LCTL: variants seen among roughly 807,000 people sequenced by gnomAD.
The protein encoded by LCTL is lactase like, also known as lactase-like protein.
Under a neutral mutation model 75.8 loss-of-function variants are expected in LCTL, and 76 were observed. The ratio of observed to expected loss-of-function variants is 1.00; its 90% CI spans 0.83 to 1.21. The LOEUF is 1.21. LCTL is among the 50% of genes most tolerant of loss of function. The probability of loss-of-function intolerance (pLI) is 0.00; values close to 1 mark genes in which losing one functional copy is unlikely to be tolerated. For synonymous variants in LCTL, 271 were observed against 268.8 expected, an observed-to-expected ratio of 1.01 and a Z score of -0.08; for missense variants, 670 against 712.4, an observed-to-expected ratio of 0.94 and a Z score of 0.68.
At chr15:66,547,651 T>C (rs1414227245) in exon 13 of LCTL, 1 of 152,214 alleles carries the variant, frequency 6.6e-6, no homozygotes, top group Non-Finnish European at 1.5e-5. Context: ...AAGTTGAATT[T>C]AGTCAGAGTT....
chr15:66,548,310 T>A (rs1341978710), exon 13 of LCTL: 4 of 408,254 alleles, frequency 9.8e-6, no homozygotes, highest in African/African-American at 2.0e-5. Context: ...TTTTTTTTTT[T>A]AATTTCTGCT....
chr15:66,555,778 A>G (rs1349396205), intron 8 of LCTL, among the ~76,000 whole-genome samples: 4 of 152,242 alleles, frequency 2.6e-5, no homozygotes, highest in South Asian at 2.1e-4. Context: ...TGCATATCAT[A>G]TATGTGATAA....
At chr15:66,561,962 C>T (rs1181901381) in intron 4 of LCTL, among the ~76,000 whole-genome samples, 1 of 152,142 alleles carries the variant, frequency 6.6e-6, no homozygotes, top group Non-Finnish European at 1.5e-5. Context: ...CCTCTCCTAC[C>T]TGCTCCCCAA....
rs1333300853 is a variant in LCTL at position 66,552,972 on chromosome 15, T to C, written c.1197+12A>G. The C allele has an allele frequency of 1.4e-6, 2 of 1,435,692 alleles. No homozygotes were observed. The highest frequency in any genetic ancestry group is 1.8e-6 in the Non-Finnish European group (2 of 1,091,468). The allele number at this position is 1,435,692 out of a possible 1,614,324, so 88.9% of individuals were successfully genotyped here. A position where few individuals can be genotyped will look rare whatever the true frequency, so the allele number is the denominator to read the frequency against. On this transcript the variant is annotated intron_variant, in intron 9 of 12. Transcript: ENST00000341509. ...TCTAAATGTCCTTTGAATAGCTGAA[T>C]GTGATAATCACCTGAGCAAAGTTAA... is the stretch of plus-strand genomic sequence containing the variant.
At chr15:66,548,257 C>G (rs1189110745) in exon 13 of LCTL, 2 of 330,428 alleles carry the variant, frequency 6.1e-6, no homozygotes, top group African/African-American at 4.2e-5. Flanking sequence ...TTATATACAG[C>G]AAAATCTTAA....
chr15:66,564,533 G>C, intron 2 of LCTL, 143 bp downstream of exon 3: 1 of 953,248 alleles, frequency 1.0e-6, no homozygotes, highest in South Asian at 1.7e-5. Context: ...TGGCTGCACT[G>C]GGGTAGAGGG....
chr15:66,552,436 C>T (rs529407201), intron 9 of LCTL, among the ~76,000 whole-genome samples: 33 of 151,842 alleles, frequency 2.2e-4, no homozygotes, highest in Non-Finnish European at 4.0e-4. Flanking sequence ...TTTGGGAGGC[C>T]AAGGTGGGCA....
At position 66,551,594 on chromosome 15, in the gene LCTL, C is replaced by A. The variant is rs371715206; in HGVS notation, c.1524+68G>T. On this transcript the variant is annotated intron_variant, in intron 11 of 12. Transcript: ENST00000341509. ...AAAGAGAAGAGAAACTTGCCAAGTT[C>A]TTTGTGTGTTCCAGCTATCTAGCTC... is the stretch of plus-strand genomic sequence containing the variant. 6.1e-6 allele frequency: 8 copies of A among 1,308,044 alleles called. No individual in the cohort carries two copies. The African/African-American group carries it at 7.4e-5, about 12-fold the overall frequency. 81.0% of individuals were successfully genotyped at this position (1,308,044 alleles called of 1,614,324 possible). A position where few individuals can be genotyped will look rare whatever the true frequency, so the allele number is the denominator to read the frequency against.
chr15:66,561,132 C>G, intron 5 of LCTL, 31 bp from the exon 7 acceptor site: 1 of 1,614,134 alleles, frequency 6.2e-7, no homozygotes, highest in Non-Finnish European at 8.5e-7. Context: ...ACCACAGGAT[C>G]CATAAGAAGT....
Position 66,564,062 on chromosome 15 carries a change from C to T in LCTL, c.283-64G>A, listed in dbSNP as rs1895960996. 1.0e-5 allele frequency: 11 copies of T among 1,078,680 alleles called. 1 individual carries two copies. Among genetic ancestry groups the T allele is most frequent in the Admixed American group, 8.5e-5 (5 of 58,850 alleles). The allele number at this position is 1,078,680 out of a possible 1,614,324, so 66.8% of individuals were successfully genotyped here. ...CTGGGTATGGGAGGTAGGGGTCCAT[C>T]GGGCTCTAGGGCCGAGGCTCACTCT... On this transcript the variant is annotated intron_variant, in intron 2 of 12. Coordinates refer to ENST00000341509, the Ensembl canonical transcript of LCTL.
At chr15:66,554,172 T>A (rs1445116427) in intron 8 of LCTL, among the ~76,000 whole-genome samples, 1 of 151,156 alleles carries the variant, frequency 6.6e-6, no homozygotes, top group Non-Finnish European at 1.5e-5. Context: ...GTGCCTGTAA[T>A]CCCAGCTACT....
exon 1 of LCTL, chr15:66,565,297 C>T: frequency 6.2e-7 from 1 of 1,613,834 alleles, no homozygotes; most frequent in Non-Finnish European, 8.5e-7. Flanking sequence ...GGGACCCCTT[C>T]CGGGCGGCCC....
chr15:66,557,999 C>A, exon 7 of LCTL: 1 of 1,608,414 alleles, frequency 6.2e-7, no homozygotes, highest in South Asian at 1.1e-5. Context: ...CTTGCTGCGC[C>A]ACGTGGTGTT....
At chr15:66,554,987 AC>A (rs1411461050) in intron 8 of LCTL, among the ~76,000 whole-genome samples, 2 of 152,228 alleles carry the variant, frequency 1.3e-5, no homozygotes, top group African/African-American at 4.8e-5. Flanking sequence ...TGTAATCTAT[AC>A]AAAAAAGACT....
intron 8 of LCTL, among the ~76,000 whole-genome samples, chr15:66,554,918 G>C (rs983413204): frequency 6.6e-6 from 1 of 152,196 alleles, no homozygotes; most frequent in Non-Finnish European, 1.5e-5. Context: ...GGGAGAGAGA[G>C]AGGCCTGACT....
intron 4 of LCTL, among the ~76,000 whole-genome samples, chr15:66,561,667 T>C (rs1895893482): frequency 6.6e-6 from 1 of 152,194 alleles, no homozygotes; most frequent in Non-Finnish European, 1.5e-5. Flanking sequence ...CAAAGACATC[T>C]GCCCATGACG....
chr15:66,558,075 C>T, intron 6 of LCTL, 39 bp from the exon 8 acceptor site: 1 of 1,543,662 alleles, frequency 6.5e-7, no homozygotes, highest in Non-Finnish European at 8.8e-7. Context: ...GTACCTGGCC[C>T]ATCCATTTCC....
At chr15:66,557,866 A>G (rs16953566) in exon 8 of LCTL, 41,329 of 1,613,978 alleles carry the variant, frequency 0.026, 1,122 homozygotes, top group Admixed American at 0.1. Flanking sequence ...TCACAGTTCA[A>G]TGAAATTCCC....
At chr15:66,552,919 G>A in intron 9 of LCTL, 65 bp downstream of exon 10, 3 of 1,357,752 alleles carry the variant, frequency 2.2e-6, no homozygotes, top group Non-Finnish European at 2.9e-6. Flanking sequence ...AGGCACCTGA[G>A]CTTAAGCTGT....
Sources: allele counts gnomAD v4.1 joint callset (sites outside exome capture counted in the v4.1 genomes callset), GRCh38; gene constraint gnomAD v4.1.1; transcripts MANE v1.5; gene names NCBI Gene and HGNC (gene_info 2026-07-23, HGNC 2026-07-21).